Variants in STK10 observed in about 807,000 individuals in gnomAD.
The protein encoded by STK10 is serine/threonine-protein kinase 10.
A neutral mutation model predicts 113.8 loss-of-function variants in STK10; 78 were observed. The observed-to-expected ratio is 0.69, with a 90% confidence interval of 0.57 to 0.83. The LOEUF (loss-of-function observed/expected upper bound fraction) is 0.83. Ranked by LOEUF, STK10 falls within the 40% of genes least tolerant of loss-of-function variation. The pLI, the probability that STK10 is intolerant of heterozygous loss-of-function variation, is 0.00. For synonymous variants in STK10, 465 were observed against 494.7 expected (o/e 0.94, Z 0.80); for missense variants, 1,109 against 1,280.1 (o/e 0.87, Z 2.04).
At chr5:172,155,603 T>TA (rs942035643) in intron 2 of STK10, among the ~76,000 whole-genome samples, 14 of 124,602 alleles carry the variant, frequency 1.1e-4, no homozygotes, top group African/African-American at 2.7e-4. Context: ...AAAATAAAAA[T>TA]AAAAAAAAGA....
intron 7 of STK10, among the ~76,000 whole-genome samples, chr5:172,097,466 C>G (rs932855159): frequency 6.6e-6 from 1 of 152,254 alleles, no homozygotes; most frequent in Non-Finnish European, 1.5e-5. Flanking sequence ...CGCCGCCAGC[C>G]TCGGGAGCCT....
At chr5:172,050,352 G>T (rs1192303681) in intron 18 of STK10, among the ~76,000 whole-genome samples, 2 of 152,122 alleles carry the variant, frequency 1.3e-5, no homozygotes, top group African/African-American at 4.8e-5. Context: ...ATCTTGAGTT[G>T]TGGGCTGAAC....
At chr5:172,084,800 C>T (rs1043924704) in intron 10 of STK10, among the ~76,000 whole-genome samples, 2 of 152,030 alleles carry the variant, frequency 1.3e-5, no homozygotes, top group African/African-American at 4.8e-5. Flanking sequence ...ACTGAACGAG[C>T]ATCCCTAATC....
At chr5:172,149,326 C>A (rs145279506) in intron 2 of STK10, among the ~76,000 whole-genome samples, 1 of 152,344 alleles carries the variant, frequency 6.6e-6, no homozygotes, top group African/African-American at 2.4e-5. Context: ...CCCCTGCCTC[C>A]TGATTCACCC....
intron 8 of STK10, among the ~76,000 whole-genome samples, chr5:172,094,443 A>G (rs1768801405): frequency 6.6e-6 from 1 of 151,568 alleles, no homozygotes; most frequent in South Asian, 2.1e-4. Flanking sequence ...GCTCAATGCA[A>G]CCTCCACCTC....
At chr5:172,171,805 T>C (rs1418038458) in intron 1 of STK10, among the ~76,000 whole-genome samples, 1 of 142,718 alleles carries the variant, frequency 7.0e-6, no homozygotes, top group Non-Finnish European at 1.6e-5. Context: ...CTCATTATAC[T>C]CTCTCTGGCC....
At chr5:172,085,168 C>T (rs867856981) in intron 10 of STK10, among the ~76,000 whole-genome samples, 3 of 151,980 alleles carry the variant, frequency 2.0e-5, no homozygotes, top group South Asian at 4.2e-4. Context: ...TTGCTTGAGC[C>T]CAGGAGGTCC....
Position 172,044,969 on chromosome 5 carries a change from C to T in STK10, c.2820G>A (p.Lys940=), listed in dbSNP as rs147301944. The T allele has an allele frequency of 4.6e-5, 75 of 1,614,082 alleles. 1 individual carries two copies. Among genetic ancestry groups the T allele is most frequent in the Non-Finnish European group, 6.1e-5 (72 of 1,180,060 alleles). The part of the protein sequence containing the change: ...QKKREQEMFF[K]LSEEAECPNP... Reference sequence around the variant, plus strand: ...TTGGGCACTCCGCCTCCTCGCTCAGCTTGAAGAACATCTCCTGCTCCCGCT... The same window carrying T: ...TTGGGCACTCCGCCTCCTCGCTCAGTTTGAAGAACATCTCCTGCTCCCGCT... Residue 940 remains lysine, a synonymous_variant, in exon 19 of 19, where the codon AAG becomes AAA. Coordinates refer to ENST00000176763, the MANE Select transcript of STK10 (RefSeq NM_005990.4). The surrounding 1 kb of genome is among the most constrained non-coding windows in gnomAD (Gnocchi z 4.5).
intron 4 of STK10, 148 bp downstream of exon 4, chr5:172,117,333 G>A: frequency 2.6e-6 from 2 of 769,634 alleles, no homozygotes; most frequent in South Asian, 3.8e-5. Flanking sequence ...AGAGTAGGAA[G>A]GGGAGAACTG....
chr5:172,183,871 C>A (rs1770906309), intron 1 of STK10, among the ~76,000 whole-genome samples: 1 of 152,150 alleles, frequency 6.6e-6, no homozygotes, highest in Non-Finnish European at 1.5e-5. Flanking sequence ...CAAAATCAAT[C>A]CTATCCTCCT....
Position 172,122,961 on chromosome 5 carries a change from A to G in STK10, c.370+4412T>C, listed in dbSNP as rs550939034. ...TTTAATAGCCAGCAAGGCATGGCCA[A>G]CCATATCTATTCCAATCAGAACAGG... is the stretch of plus-strand genomic sequence containing the variant. On this transcript the variant is annotated intron_variant, in intron 3 of 18. Coordinates refer to ENST00000176763, the MANE Select transcript of STK10 (RefSeq NM_005990.4). Among the ~76,000 whole-genome samples, 13 of 152,302 alleles carry G rather than the reference A, an allele frequency of 8.5e-5. No individual in the cohort carries two copies. In the South Asian group the frequency reaches 2.1e-3, roughly 24 times the overall value.
chr5:172,142,580 TATCTCACACTCACTATTTGAGGTAGG>T, intron 2 of STK10, among the ~76,000 whole-genome samples: 1 of 152,160 alleles, frequency 6.6e-6, no homozygotes, highest in African/African-American at 2.4e-5. Flanking sequence ...TTCCATGGAT[TATCTCACACTCACTATTTGAGGTAGG>T]TATCCTAAAA....
chr5:172,149,929 C>A (rs1263356763), intron 2 of STK10, among the ~76,000 whole-genome samples: 2 of 151,660 alleles, frequency 1.3e-5, no homozygotes, highest in Admixed American at 1.3e-4. Flanking sequence ...CACCTGTAAT[C>A]CCAGCTACTC....
chr5:172,138,256 G>T (rs746164297), intron 2 of STK10, among the ~76,000 whole-genome samples: 2 of 152,100 alleles, frequency 1.3e-5, no homozygotes, highest in South Asian at 4.1e-4. Flanking sequence ...CAAGTAGCTG[G>T]AATTACAGGC....
At position 172,134,301 on chromosome 5, in the gene STK10, A is replaced by G. The variant is rs116164903; in HGVS notation, c.322-6880T>C. 5.0e-3 allele frequency among the ~76,000 whole-genome samples: 764 copies of G among 152,310 alleles called. 8 individuals are homozygous for G. The highest frequency in any genetic ancestry group is 0.017 in the African/African-American group (719 of 41,566). On this transcript the variant is annotated intron_variant, in intron 2 of 18. Transcript: ENST00000176763. ...AGAGTGAGGGGCTTTGGTAGGATGT[A>G]TGATCATCCTCATCAGCCTTTACCA...
At chr5:172,114,507 G>T (rs1375171278) in intron 4 of STK10, 1 of 75,394 alleles carries the variant, frequency 1.3e-5, no homozygotes, top group East Asian at 3.5e-4. Flanking sequence ...TTTTGAGACG[G>T]AGTCTCACTC....
intron 2 of STK10, among the ~76,000 whole-genome samples, chr5:172,129,745 T>A (rs1485107039): frequency 1.1e-4 from 16 of 151,886 alleles, no homozygotes; most frequent in Middle Eastern, 3.2e-3. Context: ...TACTAACTGC[T>A]AGAAAAAAAA....
In STK10 at chr5:172,187,660, G is replaced by A. The variant is rs1030045114; in HGVS notation, c.156+227C>T. On this transcript the variant is annotated intron_variant, in intron 1 of 18. Coordinates refer to ENST00000176763, the MANE Select transcript of STK10 (RefSeq NM_005990.4). The surrounding 1 kb of genome is among the most constrained non-coding windows in gnomAD (Gnocchi z 4.6). ...AAGTGCTCCGAAACAGGGCTAGGGT[G>A]GGGGCGGCAACCGTGCCCGGAGGGG... is the stretch of plus-strand genomic sequence containing the variant. 6.6e-6 allele frequency among the ~76,000 whole-genome samples: 1 copy of A among 152,230 alleles called. No homozygotes were observed. Among genetic ancestry groups the A allele is most frequent in the African/African-American group, 2.4e-5 (1 of 41,468 alleles).
chr5:172,142,412 C>T (rs891523598), intron 2 of STK10, among the ~76,000 whole-genome samples: 1 of 152,134 alleles, frequency 6.6e-6, no homozygotes, highest in Non-Finnish European at 1.5e-5. Flanking sequence ...CAAAGAGAAC[C>T]CGATGTGTGC....
Sources: gnomAD v4.1 joint callset for allele counts (sites outside exome capture counted in the v4.1 genomes callset) on GRCh38, gnomAD v4.1.1 for gene constraint, Gnocchi (gnomAD v3.1) non-coding constraint, MANE v1.5 for transcripts, NCBI Gene and HGNC (gene_info 2026-07-23, HGNC 2026-07-21) for gene names.